The following SIPA1L1 variants were observed in gnomAD, a reference collection of about 807,000 sequenced individuals.
SIPA1L1 encodes signal-induced proliferation-associated 1-like protein 1.
In SIPA1L1, 26 loss-of-function variants were observed where a neutral mutation model predicts 162.7. The ratio of observed to expected loss-of-function variants is 0.16; its 90% CI spans 0.12 to 0.22. SIPA1L1 has a LOEUF of 0.22. SIPA1L1 is among the 10% of genes least tolerant of loss of function. The pLI is 1.00. For synonymous variants in SIPA1L1, 829 were observed against 837.4 expected, an observed-to-expected ratio of 0.99 and a Z score of 0.17; for missense variants, 1,874 against 2,241.0, an observed-to-expected ratio of 0.84 and a Z score of 3.31.
intron 7 of SIPA1L1, among the ~76,000 whole-genome samples, chr14:71,629,137 C>T (rs1160885523): frequency 6.6e-6 from 1 of 152,072 alleles, no homozygotes; most frequent in Non-Finnish European, 1.5e-5. Context: ...CGGGGTTCCA[C>T]CGTGTTAGCC....
chr14:71,542,704 CCCTCCTCCTCCTCCT>C lies in SIPA1L1; in HGVS notation c.-303+13350_-303+13364del, dbSNP rs147003051. Among the ~76,000 whole-genome samples the C allele has an allele frequency of 2.6e-4, 27 of 105,862 alleles. No individual in the cohort carries two copies. In the East Asian group the frequency reaches 8.2e-3, roughly 32 times the overall value. 69.4% of individuals were successfully genotyped at this position (105,862 alleles called of 152,430 possible). ...CTCCTTCCTTCTCCCTTCTCCTCCT[CCCTCCTCCTCCTCCT>C]CCTCCTCCTCCTCCTTCTTCTCTCT... On this transcript the variant is annotated intron_variant, in intron 4 of 23. Transcript: ENST00000381232.
chr14:71,683,084 G>A (rs1005422777), intron 12 of SIPA1L1, among the ~76,000 whole-genome samples: 9 of 152,206 alleles, frequency 5.9e-5, no homozygotes, highest in Non-Finnish European at 1.0e-4. Flanking sequence ...AGCCCAGGAG[G>A]TTGAGGCTGT....
At chr14:71,343,245 C>T (rs1428308383) in intron 2 of SIPA1L1, among the ~76,000 whole-genome samples, 1 of 152,148 alleles carries the variant, frequency 6.6e-6, no homozygotes, top group African/African-American at 2.4e-5. Context: ...AAACCTTGGT[C>T]CACCCACCAT....
chr14:71,736,785 T>G (rs1024274098), intron 22 of SIPA1L1, among the ~76,000 whole-genome samples: 2 of 152,124 alleles, frequency 1.3e-5, no homozygotes, highest in Non-Finnish European at 2.9e-5. Flanking sequence ...AAAGGATTAT[T>G]AAAAAATCAG....
chr14:71,415,718 G>C (rs1486059902), intron 2 of SIPA1L1, among the ~76,000 whole-genome samples: 1 of 148,978 alleles, frequency 6.7e-6, no homozygotes, highest in African/African-American at 2.5e-5. Context: ...TTTTTTTTGA[G>C]ATGGGATCTC....
intron 2 of SIPA1L1, among the ~76,000 whole-genome samples, chr14:71,347,997 T>C (rs1376484874): frequency 6.6e-6 from 1 of 152,164 alleles, no homozygotes; most frequent in Non-Finnish European, 1.5e-5. Context: ...GTAGTAAGCA[T>C]GAAAACAAAA....
At chr14:71,737,191 G>T (rs1278733265) in intron 22 of SIPA1L1, among the ~76,000 whole-genome samples, 3 of 152,156 alleles carry the variant, frequency 2.0e-5, no homozygotes, top group African/African-American at 7.2e-5. Context: ...TTGCCTCCTG[G>T]GGCCTCTTGT....
intron 7 of SIPA1L1, among the ~76,000 whole-genome samples, chr14:71,649,059 T>G (rs184952972): frequency 1.5e-3 from 231 of 152,360 alleles, no homozygotes; most frequent in African/African-American, 5.3e-3. Flanking sequence ...TGTTAGCTAT[T>G]AAAATTTCAC....
Position 71,335,970 on chromosome 14 carries a change from C to G in SIPA1L1, c.-465+14789C>G, listed in dbSNP as rs139024782. Among the ~76,000 whole-genome samples the G allele has an allele frequency of 5.2e-3, 796 of 152,282 alleles. 3 individuals are homozygous for G. Among genetic ancestry groups the G allele is most frequent in the Non-Finnish European group, 8.6e-3 (582 of 68,002 alleles). ...AGAAAATTTTGGTCAATTGTAACAA[C>G]TAATTTAAAGGGGATCTATATGTTT... On this transcript the variant is annotated intron_variant, in intron 2 of 23. Coordinates refer to ENST00000381232, the MANE Select transcript of SIPA1L1 (RefSeq NM_001386936.1).
At chr14:71,429,026 C>T (rs1359540763) in intron 2 of SIPA1L1, among the ~76,000 whole-genome samples, 1 of 152,140 alleles carries the variant, frequency 6.6e-6, no homozygotes, top group South Asian at 2.1e-4. Context: ...ATTGTCTGGG[C>T]GGGAAGACAG....
intron 5 of SIPA1L1, among the ~76,000 whole-genome samples, chr14:71,604,039 CA>C (rs1258910742): frequency 1.4e-5 from 2 of 143,028 alleles, no homozygotes; most frequent in Non-Finnish European, 3.0e-5. Flanking sequence ...CTCTCTCAAC[CA>C]GACTAGAGTG....
At chr14:71,706,371 G>T (rs1383119707) in intron 16 of SIPA1L1, among the ~76,000 whole-genome samples, 2 of 151,916 alleles carry the variant, frequency 1.3e-5, no homozygotes, top group East Asian at 3.9e-4. Flanking sequence ...AATATTTTGG[G>T]CACATTGGGC....
intron 2 of SIPA1L1, among the ~76,000 whole-genome samples, chr14:71,390,047 T>G (rs1368136538): frequency 6.6e-6 from 1 of 152,208 alleles, no homozygotes; most frequent in Non-Finnish European, 1.5e-5. Flanking sequence ...AGGATGATAA[T>G]TTGTAATTTT....
intron 2 of SIPA1L1, among the ~76,000 whole-genome samples, chr14:71,470,484 G>A (rs1266734634): frequency 3.9e-5 from 6 of 152,144 alleles, no homozygotes; most frequent in Non-Finnish European, 7.4e-5. Context: ...CAAGCCCCCA[G>A]TGAAAAAATA....
intron 2 of SIPA1L1, among the ~76,000 whole-genome samples, chr14:71,449,981 A>G (rs2141490968): frequency 6.6e-6 from 1 of 152,318 alleles, no homozygotes; most frequent in South Asian, 2.1e-4. Flanking sequence ...TCTTTTTCTC[A>G]GATCTTTTAG....
intron 7 of SIPA1L1, among the ~76,000 whole-genome samples, chr14:71,647,816 C>T (rs543895518): frequency 2.0e-5 from 3 of 152,284 alleles, no homozygotes; most frequent in South Asian, 4.1e-4. Context: ...CCCTTCTAAG[C>T]ATTAGCCACA....
At chr14:71,537,397 G>T (rs1019791205) in intron 4 of SIPA1L1, among the ~76,000 whole-genome samples, 2 of 151,860 alleles carry the variant, frequency 1.3e-5, no homozygotes, top group African/African-American at 4.8e-5. Flanking sequence ...TAGGGACAGG[G>T]TTTCACCATA....
intron 2 of SIPA1L1, among the ~76,000 whole-genome samples, chr14:71,483,225 T>G (rs959741649): frequency 1.3e-5 from 2 of 152,144 alleles, no homozygotes; most frequent in African/African-American, 4.8e-5. Context: ...TGCAGAAAAA[T>G]TATAGATGTT....
At chr14:71,361,621 C>T (rs908214946) in intron 2 of SIPA1L1, among the ~76,000 whole-genome samples, 7 of 152,096 alleles carry the variant, frequency 4.6e-5, no homozygotes, top group South Asian at 2.1e-4. Flanking sequence ...TTTTCTACTA[C>T]GTGGGGTGAA....
Sources: gnomAD v4.1 joint callset for allele counts (sites outside exome capture counted in the v4.1 genomes callset) on GRCh38, gnomAD v4.1.1 for gene constraint, MANE v1.5 for transcripts, NCBI Gene and HGNC (gene_info 2026-07-23, HGNC 2026-07-21) for gene names.